PTPRE: variants seen among roughly 807,000 people sequenced by gnomAD.
PTPRE encodes receptor-type tyrosine-protein phosphatase epsilon.
In PTPRE, 51 loss-of-function variants were observed where a neutral mutation model predicts 102.0. The ratio of observed to expected loss-of-function variants is 0.50; its 90% CI spans 0.40 to 0.63. PTPRE has a LOEUF of 0.63. PTPRE is among the 30% of genes least tolerant of loss of function. The pLI is 0.00. For synonymous variants in PTPRE, 345 were observed against 348.2 expected (o/e 0.99, Z 0.10); for missense variants, 752 against 915.1 (o/e 0.82, Z 2.30).
In PTPRE at chr10:128,070,771, A is replaced by T; in HGVS notation, c.1294-37A>T. 6.3e-7 allele frequency: 1 copy of T among 1,588,738 alleles called. No individual in the cohort carries two copies. The highest frequency in any genetic ancestry group is 8.6e-7 in the Non-Finnish European group (1 of 1,157,746). On this transcript the variant is annotated intron_variant, in intron 14 of 20. Coordinates refer to ENST00000254667, the MANE Select transcript of PTPRE (RefSeq NM_006504.6). This position sits in a 1 kb window ranked among gnomAD's most constrained non-coding sequence, Gnocchi z 4.8. Reference sequence around the variant, plus strand: ...TGAGCAATGTGCTCAGGAGTGTCAGAGGTTTAACTGTGTCATTATATCCTT... The same window carrying T: ...TGAGCAATGTGCTCAGGAGTGTCAGTGGTTTAACTGTGTCATTATATCCTT...
intron 2 of PTPRE, chr10:127,999,625 C>G (rs1425677870): frequency 2.0e-6 from 2 of 985,214 alleles, no homozygotes; most frequent in Admixed American, 1.2e-4. Context: ...TGCCGCCTTT[C>G]TTACTGACTG....
rs1279162543 is a variant in PTPRE, at chr10:127,944,466, A to G, written c.-31+37157A>G. ...TGGACAGATGGATGGATACATGGACAGACGGATGGATGGATGGATGGATGG... is the reference window on the plus strand; with the variant it reads ...TGGACAGATGGATGGATACATGGACGGACGGATGGATGGATGGATGGATGG... On this transcript the variant is annotated intron_variant, in intron 1 of 20. Coordinates refer to ENST00000254667, the MANE Select transcript of PTPRE (RefSeq NM_006504.6). The surrounding 1 kb of genome is among the most constrained non-coding windows in gnomAD (Gnocchi z 4.2). Among the ~76,000 whole-genome samples the G allele has an allele frequency of 8.1e-5, 6 of 74,030 alleles. No individual in the cohort carries two copies. The highest frequency in any genetic ancestry group is 1.3e-4 in the Admixed American group (1 of 7,784). 48.6% of individuals were successfully genotyped at this position (74,030 alleles called of 152,430 possible). A position where few individuals can be genotyped will look rare whatever the true frequency, so the allele number is the denominator to read the frequency against.
In PTPRE at chr10:128,070,387, C is replaced by T; in HGVS notation, c.1230C>T (p.His410=). 2 of 1,614,186 alleles carry T rather than the reference C, an allele frequency of 1.2e-6. No individual in the cohort carries two copies. Among genetic ancestry groups the T allele is most frequent in the South Asian group, 1.1e-5 (1 of 91,088 alleles). Residue 410 remains histidine (H), a synonymous_variant, in exon 14 of 21, where the codon CAC becomes CAT. Transcript: ENST00000254667. The surrounding 1 kb of genome is among the most constrained non-coding windows in gnomAD (Gnocchi z 4.8). The part of the protein sequence containing the change: ...TELDVSSLEK[H]LQTMHGTTTH... Reference sequence around the variant, plus strand: ...TGGACGTGTCCTCCCTGGAGAAGCACCTGCAGACCATGCACGGCACCACCA... The same window carrying T: ...TGGACGTGTCCTCCCTGGAGAAGCATCTGCAGACCATGCACGGCACCACCA...
At chr10:128,067,910 G>T (rs558853512) in intron 11 of PTPRE, among the ~76,000 whole-genome samples, 1 of 152,104 alleles carries the variant, frequency 6.6e-6, no homozygotes, top group East Asian at 1.9e-4. Flanking sequence ...CGGTTGCTGC[G>T]GGCCCTGTTC....
intron 5 of PTPRE, 29 bp downstream of exon 5, chr10:128,047,866 T>C: frequency 1.9e-6 from 3 of 1,539,228 alleles, no homozygotes; most frequent in South Asian, 1.2e-5. Flanking sequence ...GGCTGGGGCT[T>C]GGGGGAAAAT....
chr10:128,011,433 G>A (rs941788463), intron 2 of PTPRE, among the ~76,000 whole-genome samples: 11 of 152,346 alleles, frequency 7.2e-5, no homozygotes, highest in Admixed American at 1.3e-4. Flanking sequence ...AGGAGGCGCG[G>A]GTTAGGAAGG....
In PTPRE at chr10:128,035,692, G is replaced by T. The variant is rs529445720; in HGVS notation, c.-7-5183G>T. ...CACTACCCTCTTGGAGCTGCAGGGG[G>T]CAGTGTGGGTCAGTCCACTGCTGGA... On this transcript the variant is annotated intron_variant, in intron 2 of 20. Coordinates refer to ENST00000254667, the MANE Select transcript of PTPRE (RefSeq NM_006504.6). Among the ~76,000 whole-genome samples the T allele has an allele frequency of 2.0e-5, 3 of 152,340 alleles. No individual in the cohort carries two copies. The East Asian group carries it at 5.8e-4, about 29-fold the overall frequency.
intron 10 of PTPRE, among the ~76,000 whole-genome samples, chr10:128,065,246 G>C (rs190379675): frequency 1.3e-5 from 2 of 152,232 alleles, no homozygotes; most frequent in Non-Finnish European, 2.9e-5. Context: ...GCTTGACCAC[G>C]AGCTGTGCTG....
intron 1 of PTPRE, among the ~76,000 whole-genome samples, chr10:127,951,899 C>G (rs2135347355): frequency 6.6e-6 from 1 of 152,292 alleles, no homozygotes; most frequent in South Asian, 2.1e-4. Flanking sequence ...ATAAGCTTAA[C>G]CAAGTGGTGA....
At chr10:127,909,908 C>A (rs1202661012) in intron 1 of PTPRE, among the ~76,000 whole-genome samples, 1 of 152,166 alleles carries the variant, frequency 6.6e-6, no homozygotes, top group Admixed American at 6.5e-5. Flanking sequence ...TGTGGCCAGC[C>A]CTTCTGGAGA....
intron 2 of PTPRE, among the ~76,000 whole-genome samples, chr10:128,031,642 T>C (rs1401932302): frequency 6.6e-6 from 1 of 152,214 alleles, no homozygotes; most frequent in African/African-American, 2.4e-5. Context: ...GAAGTACCTG[T>C]GAGTGTGACT....
chr10:128,056,256 A>G, intron 7 of PTPRE, 43 bp downstream of exon 7: 1 of 1,525,196 alleles, frequency 6.6e-7, no homozygotes, highest in Non-Finnish European at 9.1e-7. Context: ...TGGTGTTTGC[A>G]CTAAACTCAG....
chr10:128,067,225 C>G (rs1391859592), intron 11 of PTPRE, among the ~76,000 whole-genome samples: 2 of 138,384 alleles, frequency 1.4e-5, no homozygotes, highest in Non-Finnish European at 3.2e-5. Context: ...TTCACATGCA[C>G]ACACATGCAC....
chr10:128,053,496 AC>A (rs1487394125), intron 6 of PTPRE, among the ~76,000 whole-genome samples: 2 of 152,206 alleles, frequency 1.3e-5, no homozygotes, highest in African/African-American at 4.8e-5. Context: ...CAGTAGACTG[AC>A]AGCCAGAGAA....
At chr10:127,923,873 G>A (rs966963027) in intron 1 of PTPRE, among the ~76,000 whole-genome samples, 2 of 152,160 alleles carry the variant, frequency 1.3e-5, no homozygotes, top group African/African-American at 4.8e-5. Context: ...ACCCCTGAGG[G>A]ATCAGAACAG....
At position 128,049,516 on chromosome 10, in the gene PTPRE, T is replaced by C. The variant is rs781157932; in HGVS notation, c.284-14T>C. 3.6e-5 allele frequency: 58 copies of C among 1,613,054 alleles called. No homozygotes were observed. Among genetic ancestry groups the C allele is most frequent in the Non-Finnish European group, 4.7e-5 (56 of 1,179,724 alleles). On this transcript the variant is annotated splice_polypyrimidine_tract_variant and intron_variant, in intron 5 of 20. Transcript: ENST00000254667. Reference sequence around the variant, plus strand: ...TGTGGCTAAATGGCCCCCATGTTTCTTTTGATCCCACAGAGCAGCAAAGGG... The same window carrying C: ...TGTGGCTAAATGGCCCCCATGTTTCCTTTGATCCCACAGAGCAGCAAAGGG...
chr10:128,025,131 C>A (rs1399052351), intron 2 of PTPRE, among the ~76,000 whole-genome samples: 2 of 128,976 alleles, frequency 1.6e-5, no homozygotes, highest in Non-Finnish European at 1.6e-5. Context: ...TGCACTCCAG[C>A]CTGGGTGACA....
chr10:128,059,938 GCA>G (rs149583079), intron 7 of PTPRE, among the ~76,000 whole-genome samples: 2,387 of 149,450 alleles, frequency 0.016, 38 homozygotes, highest in South Asian at 0.024. Flanking sequence ...CACACTACAT[GCA>G]CACACACACA....
At chr10:128,056,752 G>C (rs1325605390) in intron 7 of PTPRE, among the ~76,000 whole-genome samples, 1 of 152,116 alleles carries the variant, frequency 6.6e-6, no homozygotes, top group Non-Finnish European at 1.5e-5. Context: ...AAGTGGGCAT[G>C]GGCTGGGGAG....
Sources: allele counts gnomAD v4.1 joint callset (sites outside exome capture counted in the v4.1 genomes callset), GRCh38; gene constraint gnomAD v4.1.1; non-coding constraint Gnocchi (gnomAD v3.1); transcripts MANE v1.5; gene names NCBI Gene and HGNC (gene_info 2026-07-23, HGNC 2026-07-21).